The following PCDHGC3 variants were observed in gnomAD, a reference collection of about 807,000 sequenced individuals.
The protein encoded by PCDHGC3 is protocadherin gamma-C3.
Under a neutral mutation model 59.2 loss-of-function variants are expected in PCDHGC3, and 26 were observed. That is an observed-to-expected ratio of 0.44 (90% CI 0.32 to 0.61). PCDHGC3 has a LOEUF of 0.61. Ranked by LOEUF, PCDHGC3 falls within the 20% of genes least tolerant of loss-of-function variation. PCDHGC3 has a pLI of 0.05. For synonymous variants in PCDHGC3, 487 were observed against 519.7 expected (o/e 0.94, Z 0.86); for missense variants, 1,080 against 1,221.8 (o/e 0.88, Z 1.73).
chr5:141,505,182 C>T (rs1302018549), intron 2 of PCDHGC3, among the ~76,000 whole-genome samples: 2 of 152,094 alleles, frequency 1.3e-5, no homozygotes, highest in East Asian at 3.9e-4. Context: ...AAAAAAGCAT[C>T]GGAGGCAGCA....
chr5:141,476,306 C>T lies in PCDHGC3; in HGVS notation c.190C>T (p.Arg64Cys), dbSNP rs1011265476. The T allele has an allele frequency of 1.2e-6, 2 of 1,613,464 alleles. No homozygotes were observed. Among genetic ancestry groups the T allele is most frequent in the African/African-American group, 2.7e-5 (2 of 74,688 alleles). Residue 64 changes from arginine to cysteine, a missense_variant, in exon 1 of 4, where the codon CGC becomes TGC. Physicochemically the swap from Arg to Cys is radical, Grantham distance 180. Transcript: ENST00000308177. The surrounding 1 kb of genome is among the most constrained non-coding windows in gnomAD (Gnocchi z 7.6). ...TTTGGATCTCGGTAGCCTCTCAGCCCGCAGGTTCCGGGTGGTGTCTGGAGC... is the reference window on the plus strand; with the variant it reads ...TTTGGATCTCGGTAGCCTCTCAGCCTGCAGGTTCCGGGTGGTGTCTGGAGC... ...LGLDLGSLSA[R>C]RFRVVSGASR...
chr5:141,476,336 C>G lies in PCDHGC3; in HGVS notation c.220C>G (p.Arg74Gly), dbSNP rs1228900349. The G allele has an allele frequency of 2.5e-6, 4 of 1,614,008 alleles. No individual in the cohort carries two copies. The highest frequency in any genetic ancestry group is 2.2e-5 in the East Asian group (1 of 44,854). ...RRFRVVSGASRRFFEVNRETG... is the reference protein window; with the variant it reads ...RRFRVVSGASGRFFEVNRETG... ...GTTCCGGGTGGTGTCTGGAGCTAGC[C>G]GAAGATTCTTTGAGGTGAACCGGGA... Residue 74 changes from arginine to glycine, a missense_variant, in exon 1 of 4, where the codon CGA becomes GGA. Arg to Gly is a moderately radical substitution (Grantham distance 125). Coordinates refer to ENST00000308177, the MANE Select transcript of PCDHGC3 (RefSeq NM_002588.4). The surrounding 1 kb of genome is among the most constrained non-coding windows in gnomAD (Gnocchi z 7.6).
At chr5:141,510,810 A>G (rs1455434913) in intron 3 of PCDHGC3, 137 bp from the exon 4 acceptor site, 19 of 1,519,650 alleles carry the variant, frequency 1.3e-5, no homozygotes, top group Admixed American at 2.0e-5. Flanking sequence ...TACCTTGGTG[A>G]CCCCTATATT....
chr5:141,485,124 C>T lies in PCDHGC3; in HGVS notation c.2430+6578C>T. The T allele has an allele frequency of 7.2e-7, 1 of 1,390,146 alleles. No individual in the cohort carries two copies. The highest frequency in any genetic ancestry group is 1.0e-6 in the Non-Finnish European group (1 of 990,090). The allele number at this position is 1,390,146 out of a possible 1,614,324, so 86.1% of individuals were successfully genotyped here. ...GCTGCTGTGGCTGTTTGGGGCGGGT[C>T]GGCTTCATCCGCGTCTCAGGAGCAA... On this transcript the variant is annotated intron_variant, in intron 1 of 3. Coordinates refer to ENST00000308177, the MANE Select transcript of PCDHGC3 (RefSeq NM_002588.4). The surrounding 1 kb of genome is among the most constrained non-coding windows in gnomAD (Gnocchi z 5.7).
chr5:141,482,591 A>G lies in PCDHGC3; in HGVS notation c.2430+4045A>G, dbSNP rs115650612. Among the ~76,000 whole-genome samples the G allele has an allele frequency of 6.3e-4, 95 of 151,838 alleles. 1 individual carries two copies. The highest frequency in any genetic ancestry group is 2.3e-3 in the African/African-American group (95 of 41,350). On this transcript the variant is annotated intron_variant, in intron 1 of 3. Coordinates refer to ENST00000308177, the MANE Select transcript of PCDHGC3 (RefSeq NM_002588.4). ...ATAGCATAAGATGCAGTGGGACCAA[A>G]CGGGAAAAAACACCTAAATGAGCCT...
intron 1 of PCDHGC3, among the ~76,000 whole-genome samples, chr5:141,492,530 C>A (rs1595123138): frequency 1.3e-5 from 2 of 152,246 alleles, no homozygotes; most frequent in South Asian, 2.1e-4. Flanking sequence ...CCCACCTGCG[C>A]CCCGGGCTGG....
intron 1 of PCDHGC3, chr5:141,484,855 G>T (rs1178318896): frequency 3.9e-6 from 1 of 257,336 alleles, no homozygotes; most frequent in East Asian, 8.3e-5. Context: ...GTTTTTTGGG[G>T]GGTGGGGGAG....
chr5:141,493,694 G>A lies in PCDHGC3; in HGVS notation c.2431-1113G>A, dbSNP rs929897875. On this transcript the variant is annotated intron_variant, in intron 1 of 3. Transcript: ENST00000308177. This position sits in a 1 kb window ranked among gnomAD's most constrained non-coding sequence, Gnocchi z 4.3. ...CCCCAGAATGGTGCTGGTGACTCCC[G>A]ATACACCTGGAATGCTAGGTTTCTG... Among the ~76,000 whole-genome samples the A allele has an allele frequency of 5.9e-5, 9 of 152,130 alleles. No individual in the cohort carries two copies. Among genetic ancestry groups the A allele is most frequent in the African/African-American group, 9.7e-5 (4 of 41,404 alleles).
chr5:141,491,080 A>T lies in PCDHGC3; in HGVS notation c.2431-3727A>T. On this transcript the variant is annotated intron_variant, in intron 1 of 3. Transcript: ENST00000308177. This position sits in a 1 kb window ranked among gnomAD's most constrained non-coding sequence, Gnocchi z 6.9. ...CTCCTACTCACTGTTGCCACAGTCC[A>T]CAGCCCCAGGACTGTTCCTCGTGTC... The T allele has an allele frequency of 6.2e-7, 1 of 1,614,116 alleles. No individual in the cohort carries two copies. Among genetic ancestry groups the T allele is most frequent in the Non-Finnish European group, 8.5e-7 (1 of 1,179,994 alleles).
chr5:141,487,127 A>T lies in PCDHGC3; in HGVS notation c.2431-7680A>T. ...GGTCATTGTGGTAAAGGATAGTGGT[A>T]GTCCACCACTCTCTACCTCTGTTAC... On this transcript the variant is annotated intron_variant, in intron 1 of 3. Coordinates refer to ENST00000308177, the MANE Select transcript of PCDHGC3 (RefSeq NM_002588.4). The surrounding 1 kb of genome is among the most constrained non-coding windows in gnomAD (Gnocchi z 5.0). 6.2e-7 allele frequency: 1 copy of T among 1,613,334 alleles called. No individual in the cohort carries two copies. Among genetic ancestry groups the T allele is most frequent in the Admixed American group, 1.7e-5 (1 of 60,026 alleles).
At chr5:141,500,295 G>A (rs911106966) in intron 2 of PCDHGC3, among the ~76,000 whole-genome samples, 2 of 151,282 alleles carry the variant, frequency 1.3e-5, no homozygotes, top group African/African-American at 4.9e-5. Flanking sequence ...TGCAAGCTCC[G>A]CCTCCCAGGT....
chr5:141,508,409 G>T (rs143032030), intron 3 of PCDHGC3: 4 of 152,276 alleles, frequency 2.6e-5, no homozygotes, highest in South Asian at 2.1e-4. Context: ...CTTGAGCCAC[G>T]CAGAGACTTG....
chr5:141,509,595 C>T (rs968797923), intron 3 of PCDHGC3, among the ~76,000 whole-genome samples: 36 of 152,168 alleles, frequency 2.4e-4, no homozygotes, highest in African/African-American at 6.8e-4. Context: ...CTGGCAATTC[C>T]GAGAGGCTGC....
At position 141,490,745 on chromosome 5, in the gene PCDHGC3, C is replaced by A. The variant is rs769031787; in HGVS notation, c.2431-4062C>A. 1 of 1,614,238 alleles carries A rather than the reference C, an allele frequency of 6.2e-7. No homozygotes were observed. Among genetic ancestry groups the A allele is most frequent in the Non-Finnish European group, 8.5e-7 (1 of 1,180,042 alleles). ...GTAGGAAATCAGGTTCAGGGAGCCCCAGCCTCCTCCTTTGTGTATGTCAAC... is the reference window on the plus strand; with the variant it reads ...GTAGGAAATCAGGTTCAGGGAGCCCAAGCCTCCTCCTTTGTGTATGTCAAC... On this transcript the variant is annotated intron_variant, in intron 1 of 3. Transcript: ENST00000308177. The surrounding 1 kb of genome is among the most constrained non-coding windows in gnomAD (Gnocchi z 5.4).
At chr5:141,499,726 ACT>A (rs1368224475) in intron 2 of PCDHGC3, among the ~76,000 whole-genome samples, 1 of 128,608 alleles carries the variant, frequency 7.8e-6, no homozygotes, top group African/African-American at 3.0e-5. Flanking sequence ...ACAGAGTCTC[ACT>A]CTCTTGCCCA....
At chr5:141,505,336 G>A in intron 2 of PCDHGC3, 57 bp from the exon 3 acceptor site, 2 of 1,611,374 alleles carry the variant, frequency 1.2e-6, no homozygotes, top group South Asian at 1.1e-5. Flanking sequence ...GAGGACAGGA[G>A]GGGCATGAGC....
rs1594666821 is a variant in PCDHGC3, at chr5:141,487,316, T to C, written c.2431-7491T>C. 6.2e-7 allele frequency: 1 copy of C among 1,614,164 alleles called. No individual in the cohort carries two copies. Among genetic ancestry groups the C allele is most frequent in the South Asian group, 1.1e-5 (1 of 91,080 alleles). On this transcript the variant is annotated intron_variant, in intron 1 of 3. Coordinates refer to ENST00000308177, the MANE Select transcript of PCDHGC3 (RefSeq NM_002588.4). This position sits in a 1 kb window ranked among gnomAD's most constrained non-coding sequence, Gnocchi z 5.0. ...CTCATTCGTGGCACTACTCTCTAAG[T>C]GTCTTCGTGGGGCAGCCTGTGGAGT... is the stretch of plus-strand genomic sequence containing the variant.
At position 141,512,574 on chromosome 5, in the gene PCDHGC3, C is replaced by T. The variant is rs1429371202; in HGVS notation, c.*1401C>T. 6.5e-6 allele frequency: 1 copy of T among 152,884 alleles called. No homozygotes were observed. Among genetic ancestry groups the T allele is most frequent in the Non-Finnish European group, 1.5e-5 (1 of 68,502 alleles). The allele number at this position is 152,884 out of a possible 1,614,324, so 9.5% of individuals were successfully genotyped here. On this transcript the variant is annotated 3_prime_UTR_variant, in exon 4 of 4. Coordinates refer to ENST00000308177, the MANE Select transcript of PCDHGC3 (RefSeq NM_002588.4). ...GTGCATAGACCTTCTTCTCCCACCCCCTTCTGCCCCTGGGTCCCCGGCCAT... is the reference window on the plus strand; with the variant it reads ...GTGCATAGACCTTCTTCTCCCACCCTCTTCTGCCCCTGGGTCCCCGGCCAT...
Position 141,477,200 on chromosome 5 carries a change from C to T in PCDHGC3, c.1084C>T (p.Pro362Ser). ...AGTCACCTCCGTGTACAGCCCAGTACCCGAGGATGCCCCTCTGGGGACTGT... is the reference window on the plus strand; with the variant it reads ...AGTCACCTCCGTGTACAGCCCAGTATCCGAGGATGCCCCTCTGGGGACTGT... ...ITVTSVYSPVPEDAPLGTVIA... is the reference protein window; with the variant it reads ...ITVTSVYSPVSEDAPLGTVIA... The change falls in exon 1 of 4, where the codon CCC becomes TCC. Residue 362 changes from proline to serine, a missense_variant. Physicochemically the swap from Pro to Ser is moderately conservative, Grantham distance 74. Transcript: ENST00000308177. This position sits in a 1 kb window ranked among gnomAD's most constrained non-coding sequence, Gnocchi z 4.9. The T allele has an allele frequency of 1.2e-6, 2 of 1,614,206 alleles. No individual in the cohort carries two copies. The highest frequency in any genetic ancestry group is 1.3e-5 in the African/African-American group (1 of 75,056).
Sources: gnomAD v4.1 joint callset for allele counts (sites outside exome capture counted in the v4.1 genomes callset) on GRCh38, gnomAD v4.1.1 for gene constraint, Gnocchi (gnomAD v3.1) non-coding constraint, MANE v1.5 for transcripts, NCBI Gene and HGNC (gene_info 2026-07-23, HGNC 2026-07-21) for gene names.